The following SMIM19 variants were observed in gnomAD, a reference collection of about 807,000 sequenced individuals.
SMIM19 encodes the protein UPF0697 protein C8orf40.
In SMIM19, 6 loss-of-function variants were observed where a neutral mutation model predicts 13.2. The ratio of observed to expected loss-of-function variants is 0.45; its 90% confidence interval spans 0.25 to 0.90. The LOEUF (loss-of-function observed/expected upper bound fraction) is 0.90, where lower values mean the gene tolerates loss of function less well. Among genes scored for constraint, SMIM19 ranks in the 40% least tolerant of loss-of-function variants. The pLI is 0.19. For synonymous variants in SMIM19, 46 were observed against 43.1 expected (o/e 1.07, Z -0.27); for missense variants, 138 against 131.0 (o/e 1.05, Z -0.26).
chr8:42,545,957 T>G (rs768063025), intron 1 of SMIM19, among the ~76,000 whole-genome samples: 24 of 152,212 alleles, frequency 1.6e-4, no homozygotes, highest in Non-Finnish European at 3.4e-4. Flanking sequence ...AGGGCCAGAT[T>G]GTAAATATTT....
In SMIM19 at chr8:42,554,421, C is replaced by G. The variant is rs1318090822; in HGVS notation, c.*1813C>G. 2.0e-5 allele frequency: 3 copies of G among 152,222 alleles called. No individual in the cohort carries two copies. Among genetic ancestry groups the G allele is most frequent in the Non-Finnish European group, 4.4e-5 (3 of 68,054 alleles). The allele number at this position is 152,222 out of a possible 1,614,324, so 9.4% of individuals were successfully genotyped here. A position where few individuals can be genotyped will look rare whatever the true frequency, so the allele number is the denominator to read the frequency against. ...GACAAATTACACAAACTGGCTATCT[C>G]AGATGTGTAAAATTAATGTACATAA... On this transcript the variant is annotated 3_prime_UTR_variant, in exon 4 of 4. Coordinates refer to ENST00000417410, the MANE Select transcript of SMIM19 (RefSeq NM_001135674.2).
chr8:42,551,473 C>T (rs952355236), intron 3 of SMIM19, among the ~76,000 whole-genome samples: 3 of 152,082 alleles, frequency 2.0e-5, no homozygotes, highest in Non-Finnish European at 2.9e-5. Context: ...AATTGCATAT[C>T]TATTTTTTCT....
chr8:42,548,467 C>T, intron 2 of SMIM19, 189 bp from the exon 3 acceptor site: 1 of 681,674 alleles, frequency 1.5e-6, no homozygotes, highest in Non-Finnish European at 2.6e-6. Flanking sequence ...TTTCTCACAG[C>T]CTCATACTTT....
chr8:42,541,740 C>G lies in SMIM19; in HGVS notation c.-638C>G, dbSNP rs1344535965. On this transcript the variant is annotated 5_prime_UTR_variant, in exon 1 of 4. Coordinates refer to ENST00000417410, the MANE Select transcript of SMIM19 (RefSeq NM_001135674.2). ...CCCGCGTCCCCGCTTCTCCCGGTCC[C>G]CGGCGGGGCCGCGTCACCCGGCCCC... 6.7e-6 allele frequency: 1 copy of G among 149,244 alleles called. No homozygotes were observed. The highest frequency in any genetic ancestry group is 6.6e-5 in the Admixed American group (1 of 15,070). 9.2% of individuals were successfully genotyped at this position (149,244 alleles called of 1,614,324 possible). A position where few individuals can be genotyped will look rare whatever the true frequency, so the allele number is the denominator to read the frequency against.
chr8:42,544,275 G>T (rs1019774665), intron 1 of SMIM19, among the ~76,000 whole-genome samples: 1 of 152,142 alleles, frequency 6.6e-6, no homozygotes, highest in African/African-American at 2.4e-5. Flanking sequence ...GCCGGGCGCG[G>T]TGGTGGGCTC....
intron 3 of SMIM19, among the ~76,000 whole-genome samples, chr8:42,551,342 T>C (rs1043703111): frequency 6.6e-6 from 1 of 150,914 alleles, no homozygotes; most frequent in Non-Finnish European, 1.5e-5. Flanking sequence ...TAGAAGAGAT[T>C]GAAAGTTTTA....
chr8:42,554,386 G>T lies in SMIM19; in HGVS notation c.*1778G>T, dbSNP rs1314965837. On this transcript the variant is annotated 3_prime_UTR_variant, in exon 4 of 4. Transcript: ENST00000417410. The stretch of plus-strand genomic sequence containing the variant: ...GTGGTTTACTCGTCACTGACATGTG[G>T]CACAATCTGGACAAATTACACAAAC... 1 of 152,188 alleles carries T rather than the reference G, an allele frequency of 6.6e-6. No individual in the cohort carries two copies. The highest frequency in any genetic ancestry group is 1.5e-5 in the Non-Finnish European group (1 of 68,042). The allele number at this position is 152,188 out of a possible 1,614,324, so 9.4% of individuals were successfully genotyped here.
At chr8:42,548,632 C>A in intron 2 of SMIM19, 24 bp from the exon 3 acceptor site, 1 of 1,612,784 alleles carries the variant, frequency 6.2e-7, no homozygotes, top group Non-Finnish European at 8.5e-7. Context: ...ACAAACATCT[C>A]TTCTGCATGG....
chr8:42,543,916 A>G (rs2131486923), intron 1 of SMIM19, among the ~76,000 whole-genome samples: 1 of 152,148 alleles, frequency 6.6e-6, no homozygotes, highest in Admixed American at 6.5e-5. Context: ...TTTTTTTGCC[A>G]AACACGGTGG....
intron 3 of SMIM19, among the ~76,000 whole-genome samples, chr8:42,550,997 A>G (rs1813656876): frequency 1.3e-5 from 2 of 152,232 alleles, no homozygotes; most frequent in Admixed American, 1.3e-4. Context: ...ATAAACAAAT[A>G]GTATCTCTTT....
chr8:42,545,318 G>A (rs1813440849), intron 1 of SMIM19, among the ~76,000 whole-genome samples: 1 of 152,150 alleles, frequency 6.6e-6, no homozygotes, highest in Non-Finnish European at 1.5e-5. Context: ...CATTTCCTAG[G>A]GTAGATGTCA....
chr8:42,548,345 G>C (rs992121483), intron 2 of SMIM19: 6 of 466,438 alleles, frequency 1.3e-5, no homozygotes, highest in African/African-American at 1.2e-4. Context: ...GGAAAAATCA[G>C]CTGTTTTCTT....
At chr8:42,549,679 T>G (rs6990159) in intron 3 of SMIM19, among the ~76,000 whole-genome samples, 12,768 of 152,120 alleles carry the variant, frequency 0.084, 1,174 homozygotes, top group African/African-American at 0.22. Context: ...AATGCAAATA[T>G]ATGTAATGCC....
At chr8:42,546,928 G>GCTGAGATCGCACCAC (rs11269558) in intron 2 of SMIM19, among the ~76,000 whole-genome samples, 1 of 151,078 alleles carries the variant, frequency 6.6e-6, no homozygotes, top group South Asian at 2.1e-4. Flanking sequence ...GGTTGCAGTG[G>GCTGAGATCGCACCAC]TGTACTCCAG....
At chr8:42,546,231 A>G (rs1442978125) in intron 1 of SMIM19, among the ~76,000 whole-genome samples, 1 of 152,218 alleles carries the variant, frequency 6.6e-6, no homozygotes, top group Non-Finnish European at 1.5e-5. Flanking sequence ...TTTTTCCCAA[A>G]TATTTTCCAT....
chr8:42,545,320 T>C (rs1402128191), intron 1 of SMIM19, among the ~76,000 whole-genome samples: 1 of 152,174 alleles, frequency 6.6e-6, no homozygotes, highest in Non-Finnish European at 1.5e-5. Context: ...TTTCCTAGGG[T>C]AGATGTCACA....
chr8:42,546,649 C>T (rs1261774445), intron 2 of SMIM19, 43 bp downstream of exon 2: 2 of 1,583,258 alleles, frequency 1.3e-6, no homozygotes, highest in African/African-American at 2.7e-5. Context: ...TGTGCATTTA[C>T]AAGTTTTGCT....
upstream of SMIM19, chr8:42,541,548 G>A (rs1468972900): frequency 6.8e-6 from 1 of 146,434 alleles, no homozygotes; most frequent in Non-Finnish European, 1.5e-5. Context: ...CTGGCTCCTC[G>A]TTTCATCCGG....
chr8:42,546,182 T>C (rs1586325240), intron 1 of SMIM19, among the ~76,000 whole-genome samples: 2 of 152,272 alleles, frequency 1.3e-5, no homozygotes, highest in African/African-American at 4.8e-5. Flanking sequence ...GTAAATGCTA[T>C]GTAAATAGTT....
Sources: gnomAD v4.1 joint callset for allele counts (sites outside exome capture counted in the v4.1 genomes callset) on GRCh38, gnomAD v4.1.1 for gene constraint, MANE v1.5 for transcripts, NCBI Gene and HGNC (gene_info 2026-07-23, HGNC 2026-07-21) for gene names.